Variants in COLEC10 observed in about 807,000 individuals in gnomAD.
COLEC10 encodes collectin subfamily member 10.
A neutral mutation model predicts 28.4 loss-of-function variants in COLEC10; 22 were observed. That is an observed-to-expected ratio of 0.78 (90% CI 0.55 to 1.11). The LOEUF (loss-of-function observed/expected upper bound fraction) is 1.11, where lower values mean the gene tolerates loss of function less well. COLEC10 is among the 50% of genes least tolerant of loss of function. COLEC10 has a pLI of 0.00. For synonymous variants in COLEC10, 125 were observed against 116.1 expected (o/e 1.08, Z -0.49); for missense variants, 361 against 344.1 (o/e 1.05, Z -0.39).
the COLEC10 span, among the ~76,000 whole-genome samples, chr8:118,975,397 G>C: frequency 6.6e-6 from 1 of 151,950 alleles, no homozygotes; most frequent in African/African-American, 2.4e-5. Flanking sequence ...CAATTTTTGT[G>C]ACTAAGTTTC....
chr8:118,972,470 T>G, the COLEC10 span, among the ~76,000 whole-genome samples: 345 of 152,058 alleles, frequency 2.3e-3, 1 homozygote, highest in African/African-American at 8.0e-3. Context: ...CCACCTGAAC[T>G]CTAAATGTAA....
At chr8:119,097,698 A>G (rs1815748010) in intron 3 of COLEC10, among the ~76,000 whole-genome samples, 1 of 152,050 alleles carries the variant, frequency 6.6e-6, no homozygotes, top group Non-Finnish European at 1.5e-5. Flanking sequence ...CTGGTTAAAG[A>G]CAGAAAGGTA....
At chr8:118,955,362 A>G in the COLEC10 span, among the ~76,000 whole-genome samples, 2 of 152,304 alleles carry the variant, frequency 1.3e-5, no homozygotes, top group East Asian at 3.9e-4. Context: ...TCACTTTCTG[A>G]TGAAGAAAGA....
chr8:119,059,298 T>A (rs1033604218), intron 2 of COLEC10, among the ~76,000 whole-genome samples: 6 of 152,004 alleles, frequency 3.9e-5, no homozygotes, highest in Non-Finnish European at 8.8e-5. Context: ...GTTGCAGAGG[T>A]CTTCTCTTAT....
chr8:119,091,603 A>C (rs199885970), intron 3 of COLEC10, among the ~76,000 whole-genome samples: 2 of 100,898 alleles, frequency 2.0e-5, no homozygotes, highest in Non-Finnish European at 3.6e-5. Context: ...GAGAGAAAGA[A>C]AGAAAGAAAG....
At chr8:118,959,887 G>T in the COLEC10 span, among the ~76,000 whole-genome samples, 1 of 152,108 alleles carries the variant, frequency 6.6e-6, no homozygotes, top group African/African-American at 2.4e-5. Flanking sequence ...TTTTCACATG[G>T]ATTTTAAAAA....
At chr8:119,065,557 T>A (rs77194298), upstream of COLEC10, among the ~76,000 whole-genome samples, 14,990 of 152,006 alleles carry the variant, frequency 0.099, 1,032 homozygotes, top group East Asian at 0.25. Context: ...AAGTGTACAA[T>A]AAATGTAATG....
chr8:119,063,796 A>G (rs1483601159), upstream of COLEC10, among the ~76,000 whole-genome samples: 1 of 152,152 alleles, frequency 6.6e-6, no homozygotes, highest in Non-Finnish European at 1.5e-5. Context: ...TACTTTAATG[A>G]CATGTCATAT....
intron 1 of COLEC10, among the ~76,000 whole-genome samples, chr8:119,008,433 G>A (rs1813845152): frequency 1.3e-5 from 2 of 150,714 alleles, no homozygotes; most frequent in South Asian, 2.1e-4. Context: ...GCCAGAGAAG[G>A]TCTAAGTTGA....
rs545688157 is a variant in COLEC10 at position 119,096,522 on chromosome 8, C to T, written c.292+5302C>T. Among the ~76,000 whole-genome samples the T allele has an allele frequency of 1.9e-4, 29 of 151,294 alleles. No individual in the cohort carries two copies. The South Asian group carries it at 5.4e-3, about 28-fold the overall frequency. On this transcript the variant is annotated intron_variant, in intron 3 of 5. Coordinates refer to ENST00000332843, the MANE Select transcript of COLEC10 (RefSeq NM_006438.5). ...GGGAGAATCACTTGAACCAGGGAGG[C>T]GGAGATTGCAGTGAGCAAAGATCAC...
At chr8:118,992,162 G>T, upstream of COLEC10, among the ~76,000 whole-genome samples, 1 of 151,998 alleles carries the variant, frequency 6.6e-6, no homozygotes, top group Non-Finnish European at 1.5e-5. Flanking sequence ...ACATGTAAAG[G>T]TCTATATCGG....
intron 2 of COLEC10, among the ~76,000 whole-genome samples, chr8:119,023,057 TTA>T (rs1298918326): frequency 7.9e-5 from 12 of 152,096 alleles, no homozygotes; most frequent in Admixed American, 7.9e-4. Flanking sequence ...TACACATGGT[TTA>T]TATCTCTCTT....
chr8:118,971,268 A>G, the COLEC10 span, among the ~76,000 whole-genome samples: 1 of 151,950 alleles, frequency 6.6e-6, no homozygotes, highest in Admixed American at 6.6e-5. Context: ...GTTGGCATAG[A>G]CTACACTCTT....
At chr8:118,954,862 A>G in the COLEC10 span, among the ~76,000 whole-genome samples, 1 of 152,206 alleles carries the variant, frequency 6.6e-6, no homozygotes, top group Non-Finnish European at 1.5e-5. Context: ...ACAGCCTCTG[A>G]TCCAGATGGT....
At chr8:118,987,797 C>T in the COLEC10 span, among the ~76,000 whole-genome samples, 2 of 152,228 alleles carry the variant, frequency 1.3e-5, no homozygotes, top group East Asian at 1.9e-4. Context: ...AGTTATATTT[C>T]ACCAAAATAT....
intron 2 of COLEC10, among the ~76,000 whole-genome samples, chr8:119,060,661 T>C (rs1814839936): frequency 6.6e-6 from 1 of 152,120 alleles, no homozygotes; most frequent in Admixed American, 6.6e-5. Flanking sequence ...AAACAAGGGA[T>C]TGGAGTATGC....
chr8:118,996,485 A>G (rs1239541810), intron 1 of COLEC10, among the ~76,000 whole-genome samples: 1 of 152,184 alleles, frequency 6.6e-6, no homozygotes, highest in African/African-American at 2.4e-5. Flanking sequence ...CCAACAGTAT[A>G]TAAGAGTTTT....
chr8:118,966,767 C>T, the COLEC10 span, among the ~76,000 whole-genome samples: 1 of 151,914 alleles, frequency 6.6e-6, no homozygotes, highest in Non-Finnish European at 1.5e-5. Flanking sequence ...CTCTTCAGCT[C>T]CACTTCATCC....
chr8:119,041,558 A>G (rs1158565820), intron 2 of COLEC10, among the ~76,000 whole-genome samples: 1 of 152,150 alleles, frequency 6.6e-6, no homozygotes, highest in Non-Finnish European at 1.5e-5. Flanking sequence ...ACCCCAATAT[A>G]CTACTTGAAT....
Sources: gnomAD v4.1 joint callset for allele counts (sites outside exome capture counted in the v4.1 genomes callset) on GRCh38, gnomAD v4.1.1 for gene constraint, MANE v1.5 for transcripts, NCBI Gene and HGNC (gene_info 2026-07-23, HGNC 2026-07-21) for gene names.